Variants in ZNF804B observed in about 807,000 individuals in gnomAD.
ZNF804B encodes zinc finger 804B.
Under a neutral mutation model 101.4 loss-of-function variants are expected in ZNF804B, and 80 were observed. The observed-to-expected ratio is 0.79, with a 90% CI of 0.66 to 0.95. The LOEUF is 0.95. Among genes scored for constraint, ZNF804B ranks in the 40% least tolerant of loss-of-function variants. The pLI is 0.00. For missense variants in ZNF804B, 1,673 were observed against 1,561.9 expected, an observed-to-expected ratio of 1.07 and a Z score of -1.20; for synonymous variants, 622 against 558.8, an observed-to-expected ratio of 1.11 and a Z score of -1.59.
intron 3 of ZNF804B, among the ~76,000 whole-genome samples, chr7:89,328,443 C>T (rs1201046146): frequency 6.6e-6 from 1 of 151,578 alleles, no homozygotes; most frequent in African/African-American, 2.4e-5. Flanking sequence ...CATATGAAGA[C>T]AAAATAAAGG....
At chr7:88,907,217 T>C (rs1471402493) in intron 1 of ZNF804B, among the ~76,000 whole-genome samples, 1 of 152,042 alleles carries the variant, frequency 6.6e-6, no homozygotes, top group Non-Finnish European at 1.5e-5. Context: ...TAGAGAAGCC[T>C]GTGGGTGTTG....
intron 1 of ZNF804B, among the ~76,000 whole-genome samples, chr7:88,876,694 A>T (rs1403101734): frequency 6.6e-6 from 1 of 152,044 alleles, no homozygotes; most frequent in Admixed American, 6.6e-5. Flanking sequence ...TTGTCCTGCA[A>T]AAAGCTGTAA....
intron 1 of ZNF804B, among the ~76,000 whole-genome samples, chr7:88,917,599 T>C (rs939619261): frequency 3.3e-4 from 50 of 152,178 alleles, no homozygotes; most frequent in African/African-American, 1.1e-3. Flanking sequence ...GCATCCATTA[T>C]ATGGCCCTCA....
intron 1 of ZNF804B, among the ~76,000 whole-genome samples, chr7:89,025,765 T>G (rs146715536): frequency 6.6e-6 from 1 of 152,270 alleles, no homozygotes; most frequent in Non-Finnish European, 1.5e-5. Context: ...TTAAATCCTT[T>G]TGTTTCCACA....
chr7:88,875,065 T>C (rs1427188071), intron 1 of ZNF804B, among the ~76,000 whole-genome samples: 2 of 130,256 alleles, frequency 1.5e-5, no homozygotes, highest in African/African-American at 6.6e-5. Context: ...GACTACTGGG[T>C]ACATAACGAA....
chr7:88,891,627 T>G (rs1380893213), intron 1 of ZNF804B, among the ~76,000 whole-genome samples: 1 of 152,046 alleles, frequency 6.6e-6, no homozygotes, highest in Non-Finnish European at 1.5e-5. Context: ...AGTAGATTTT[T>G]TTTTTTTAAC....
intron 1 of ZNF804B, among the ~76,000 whole-genome samples, chr7:89,040,826 G>A (rs557956025): frequency 3.9e-5 from 6 of 152,292 alleles, no homozygotes; most frequent in African/African-American, 1.4e-4. Flanking sequence ...GATGGGGTCT[G>A]TGTGTGCCAG....
intron 1 of ZNF804B, among the ~76,000 whole-genome samples, chr7:88,985,456 G>T (rs1429912669): frequency 6.6e-6 from 1 of 152,056 alleles, no homozygotes; most frequent in Admixed American, 6.6e-5. Flanking sequence ...AGAACCGCTT[G>T]TTTGAGATGC....
At chr7:89,047,893 CTT>C (rs10569115) in intron 1 of ZNF804B, among the ~76,000 whole-genome samples, 70,392 of 150,554 alleles carry the variant, frequency 0.47, 16,958 homozygotes, top group Non-Finnish European at 0.53. Flanking sequence ...TGGCTAAATC[CTT>C]TTTTTTTTTT....
At chr7:89,267,745 A>G (rs1470241640) in intron 2 of ZNF804B, among the ~76,000 whole-genome samples, 1 of 152,174 alleles carries the variant, frequency 6.6e-6, no homozygotes, top group Non-Finnish European at 1.5e-5. Flanking sequence ...TGAATAAGAG[A>G]AGAAATGCTG....
chr7:89,149,270 T>C (rs1375166567), intron 1 of ZNF804B, among the ~76,000 whole-genome samples: 1 of 152,094 alleles, frequency 6.6e-6, no homozygotes, highest in Non-Finnish European at 1.5e-5. Context: ...GAATTTGAGA[T>C]GCCACTCATG....
chr7:89,208,082 G>GT (rs71526636), intron 1 of ZNF804B, among the ~76,000 whole-genome samples: 2,464 of 142,154 alleles, frequency 0.017, 76 homozygotes, highest in East Asian at 0.096. Flanking sequence ...ATTTTATTGG[G>GT]TTTTTTTTTT....
At chr7:89,333,180 T>C (rs1319428373) in intron 3 of ZNF804B, among the ~76,000 whole-genome samples, 183 bp from the exon 4 acceptor site, 1 of 151,986 alleles carries the variant, frequency 6.6e-6, no homozygotes, top group Non-Finnish European at 1.5e-5. Flanking sequence ...AAACAATTCA[T>C]TTTAGAAATA....
intron 1 of ZNF804B, among the ~76,000 whole-genome samples, chr7:89,204,667 A>T (rs373153994): frequency 2.6e-5 from 4 of 152,190 alleles, no homozygotes; most frequent in African/African-American, 9.7e-5. Context: ...GCATGCCTGC[A>T]GTGCAGCTGT....
At chr7:88,982,543 G>A (rs1234626565) in intron 1 of ZNF804B, among the ~76,000 whole-genome samples, 1 of 151,986 alleles carries the variant, frequency 6.6e-6, no homozygotes, top group Non-Finnish European at 1.5e-5. Flanking sequence ...TTCTTACTGT[G>A]CCCTCACATA....
chr7:89,232,828 T>G (rs1413092401), intron 2 of ZNF804B, among the ~76,000 whole-genome samples: 1 of 152,180 alleles, frequency 6.6e-6, no homozygotes, highest in Non-Finnish European at 1.5e-5. Flanking sequence ...TTTTCATTTA[T>G]TTTCTTTTTA....
In ZNF804B at chr7:88,935,041, A is replaced by G. The variant is rs562300592; in HGVS notation, c.108+174957A>G. 1.7e-4 allele frequency among the ~76,000 whole-genome samples: 26 copies of G among 151,164 alleles called. No individual in the cohort carries two copies. In the East Asian group the frequency reaches 2.0e-3, roughly 11 times the overall value. ...TATATAGATATATGTGTGTGTGTGTATATATATATACACACACACATACAC... is the reference window on the plus strand; with the variant it reads ...TATATAGATATATGTGTGTGTGTGTGTATATATATACACACACACATACAC... On this transcript the variant is annotated intron_variant, in intron 1 of 3. Coordinates refer to ENST00000333190, the MANE Select transcript of ZNF804B (RefSeq NM_181646.5).
intron 1 of ZNF804B, among the ~76,000 whole-genome samples, chr7:88,840,045 G>T (rs1245788029): frequency 6.6e-6 from 1 of 152,102 alleles, no homozygotes; most frequent in Non-Finnish European, 1.5e-5. Context: ...CATGGAAGAT[G>T]TCAAAGAATT....
intron 1 of ZNF804B, among the ~76,000 whole-genome samples, chr7:88,940,807 T>G (rs955418098): frequency 1.4e-5 from 2 of 144,842 alleles, no homozygotes; most frequent in African/African-American, 5.1e-5. Context: ...ATAATAATAA[T>G]AGAATGTATC....
Sources: allele counts gnomAD v4.1 joint callset (sites outside exome capture counted in the v4.1 genomes callset), GRCh38; gene constraint gnomAD v4.1.1; transcripts MANE v1.5; gene names NCBI Gene and HGNC (gene_info 2026-07-23, HGNC 2026-07-21).